The following BOC variants were observed in gnomAD, a reference collection of about 807,000 sequenced individuals.
BOC encodes BOC cell adhesion associated, oncogene regulated, also known as brother of CDO.
A neutral mutation model predicts 112.0 loss-of-function variants in BOC; 76 were observed. The observed-to-expected ratio is 0.68, with a 90% CI of 0.56 to 0.82. The LOEUF (loss-of-function observed/expected upper bound fraction) is 0.82, where lower values mean the gene tolerates loss of function less well. Ranked by LOEUF, BOC falls within the 40% of genes least tolerant of loss-of-function variation. The probability of loss-of-function intolerance (pLI) is 0.00; values close to 1 mark genes in which losing one functional copy is unlikely to be tolerated. For missense variants in BOC, 1,309 were observed against 1,511.7 expected (o/e 0.87, Z 2.22); for synonymous variants, 580 against 599.8 (o/e 0.97, Z 0.48).
intron 2 of BOC, among the ~76,000 whole-genome samples, chr3:113,239,147 A>G (rs1019943602): frequency 1.3e-5 from 2 of 152,246 alleles, no homozygotes; most frequent in Non-Finnish European, 1.5e-5. Context: ...TCTTGATTAC[A>G]TGTTGAAATT....
chr3:113,244,223 A>G (rs1257560747), intron 2 of BOC, among the ~76,000 whole-genome samples: 1 of 152,206 alleles, frequency 6.6e-6, no homozygotes, highest in Non-Finnish European at 1.5e-5. Context: ...TAAGCTCCTA[A>G]GGACTGAATC....
intron 12 of BOC, 143 bp from the exon 13 acceptor site, chr3:113,279,681 G>A (rs553605544): frequency 1.9e-4 from 166 of 894,490 alleles, no homozygotes; most frequent in Middle Eastern, 5.3e-4. Flanking sequence ...TGACAGTGGC[G>A]GGTGTTCTTG....
At chr3:113,245,396 T>G (rs1164537798) in intron 2 of BOC, among the ~76,000 whole-genome samples, 1 of 152,180 alleles carries the variant, frequency 6.6e-6, no homozygotes, top group Non-Finnish European at 1.5e-5. Context: ...CTTTCTTTCT[T>G]AATTCCTTCT....
intron 4 of BOC, among the ~76,000 whole-genome samples, chr3:113,253,950 T>C (rs957512537): frequency 6.6e-6 from 1 of 152,176 alleles, no homozygotes; most frequent in African/African-American, 2.4e-5. Flanking sequence ...TTGGCCTAAT[T>C]AGGAGCCAGG....
intron 2 of BOC, among the ~76,000 whole-genome samples, chr3:113,217,128 T>C (rs1939557273): frequency 6.6e-6 from 1 of 152,162 alleles, no homozygotes; most frequent in African/African-American, 2.4e-5. Flanking sequence ...CCAGAGCCCA[T>C]GCGCCATCCA....
At chr3:113,284,251 G>C in intron 16 of BOC, 84 bp from the exon 17 acceptor site, 1 of 1,161,186 alleles carries the variant, frequency 8.6e-7, no homozygotes, top group Non-Finnish European at 1.3e-6. Context: ...GTGGCCAGGA[G>C]CCTCCTGAGA....
chr3:113,215,045 C>T (rs974136004), intron 1 of BOC, among the ~76,000 whole-genome samples: 1 of 152,230 alleles, frequency 6.6e-6, no homozygotes, highest in Admixed American at 6.5e-5. Flanking sequence ...CCTGAAGTGT[C>T]TCTACATTTT....
rs2107703837 is a variant in BOC, at chr3:113,278,276, C to T, written c.1705+19C>T. The T allele has an allele frequency of 6.2e-7, 1 of 1,613,118 alleles. No individual in the cohort carries two copies. The highest frequency in any genetic ancestry group is 8.5e-7 in the Non-Finnish European group (1 of 1,179,210). The stretch of plus-strand genomic sequence containing the variant: ...CGAACTGGTGAGAGTCAAACATTGC[C>T]CCTTGCTTAGGGTTTCCGTGGGTCT... On this transcript the variant is annotated intron_variant, in intron 10 of 19. Coordinates refer to ENST00000682979, the MANE Select transcript of BOC (RefSeq NM_001378074.1). This position sits in a 1 kb window ranked among gnomAD's most constrained non-coding sequence, Gnocchi z 4.2.
Position 113,278,581 on chromosome 3 carries a change from C to A in BOC, c.1706-92C>A. The stretch of plus-strand genomic sequence containing the variant: ...GCTTATTTGCATCACTTTGTCATGC[C>A]GCTTAGCAGAGTCTCAGGCAAAAAG... On this transcript the variant is annotated intron_variant, in intron 10 of 19. Transcript: ENST00000682979. This position sits in a 1 kb window ranked among gnomAD's most constrained non-coding sequence, Gnocchi z 4.2. 8.8e-7 allele frequency: 1 copy of A among 1,138,908 alleles called. No individual in the cohort carries two copies. The highest frequency in any genetic ancestry group is 1.3e-6 in the Non-Finnish European group (1 of 782,518). 70.6% of individuals were successfully genotyped at this position (1,138,908 alleles called of 1,614,324 possible). A position where few individuals can be genotyped will look rare whatever the true frequency, so the allele number is the denominator to read the frequency against.
At position 113,285,293 on chromosome 3, in the gene BOC, G is replaced by A. The variant is rs1428318611; in HGVS notation, c.2967-79G>A. Reference sequence around the variant, plus strand: ...CACCAGCTCTGATGCCCTCAGACAGGGAGACAGCCAGCAGGGGGATGGGGC... The same window carrying A: ...CACCAGCTCTGATGCCCTCAGACAGAGAGACAGCCAGCAGGGGGATGGGGC... On this transcript the variant is annotated intron_variant, in intron 18 of 19. Coordinates refer to ENST00000682979, the MANE Select transcript of BOC (RefSeq NM_001378074.1). The A allele has an allele frequency of 1.2e-5, 18 of 1,441,372 alleles. No individual in the cohort carries two copies. In the Admixed American group the frequency reaches 2.7e-4, roughly 22 times the overall value. The allele number at this position is 1,441,372 out of a possible 1,614,324, so 89.3% of individuals were successfully genotyped here. A position where few individuals can be genotyped will look rare whatever the true frequency, so the allele number is the denominator to read the frequency against.
chr3:113,273,299 G>A lies in BOC; in HGVS notation c.1192G>A (p.Gly398Arg), dbSNP rs1449778818. The change falls in exon 8 of 20, where the codon GGG becomes AGG. Residue 398 changes from glycine to arginine, a missense_variant. Coordinates refer to ENST00000682979, the MANE Select transcript of BOC (RefSeq NM_001378074.1). ...CCAGTGCATGGCCGAGAACGAGGTT[G>A]GGAGCGCCCATGCCGTAGTCCAGCT... ...VYQCMAENEV[G>R]SAHAVVQLRT... The A allele has an allele frequency of 1.2e-6, 2 of 1,601,856 alleles. No homozygotes were observed.
intron 19 of BOC, 68 bp downstream of exon 19, chr3:113,285,633 C>T: frequency 7.2e-7 from 1 of 1,390,942 alleles, no homozygotes; most frequent in Non-Finnish European, 9.6e-7. Context: ...CATCCACAAG[C>T]CAGTAGTAAC....
Position 113,272,323 on chromosome 3 carries a change from C to G in BOC, c.668-87C>G, listed in dbSNP as rs893712437. 2.4e-5 allele frequency: 34 copies of G among 1,443,024 alleles called. 1 individual carries two copies. The highest frequency in any genetic ancestry group is 2.4e-4 in the Middle Eastern group (1 of 4,220). 89.4% of individuals were successfully genotyped at this position (1,443,024 alleles called of 1,614,324 possible). On this transcript the variant is annotated intron_variant, in intron 6 of 19. Transcript: ENST00000682979. ...CGGAATGGCTGTTTGATCCCATCTC[C>G]ATGCTCTCTGGGACTGCCTCCTGGG...
intron 2 of BOC, among the ~76,000 whole-genome samples, chr3:113,225,393 G>C (rs1290619806): frequency 6.6e-6 from 1 of 152,198 alleles, no homozygotes; most frequent in East Asian, 1.9e-4. Flanking sequence ...CTGTACAAAG[G>C]AGGAATGAGA....
intron 2 of BOC, 32 bp downstream of exon 2, chr3:113,216,306 T>G: frequency 6.6e-6 from 3 of 456,058 alleles, no homozygotes; most frequent in South Asian, 4.7e-5. Flanking sequence ...GTCTGATAGC[T>G]CTGGCCTATT....
rs1425074142 is a variant in BOC, at chr3:113,211,563, C to T, written c.-623C>T. The T allele has an allele frequency of 6.6e-6, 1 of 152,306 alleles. No individual in the cohort carries two copies. Among genetic ancestry groups the T allele is most frequent in the Non-Finnish European group, 1.5e-5 (1 of 68,164 alleles). 9.4% of individuals were successfully genotyped at this position (152,306 alleles called of 1,614,324 possible). ...AGGAATTGTTTGCGAGTTCAGTCATCCAAAAAGCTTCTTCCATATGGAGGG... is the reference window on the plus strand; with the variant it reads ...AGGAATTGTTTGCGAGTTCAGTCATTCAAAAAGCTTCTTCCATATGGAGGG... On this transcript the variant is annotated 5_prime_UTR_variant, in exon 1 of 20. Transcript: ENST00000682979.
chr3:113,255,661 C>T (rs565177673), intron 4 of BOC, among the ~76,000 whole-genome samples: 3 of 152,202 alleles, frequency 2.0e-5, no homozygotes, highest in African/African-American at 4.8e-5. Flanking sequence ...GATCGGTCAC[C>T]GCTCCTTAAG....
intron 2 of BOC, among the ~76,000 whole-genome samples, chr3:113,232,305 A>C (rs1942742990): frequency 6.6e-6 from 1 of 152,230 alleles, no homozygotes; most frequent in Non-Finnish European, 1.5e-5. Flanking sequence ...AGCAGAAGGC[A>C]GGGACTGTTT....
In BOC at chr3:113,279,922, C is replaced by A. The variant is rs754992516; in HGVS notation, c.2122C>A (p.Arg708Ser). The stretch of plus-strand genomic sequence containing the variant: ...CTACGTGGTGTCGGGCTACAGCGGT[C>A]GCGTGTACGAGAGGCCCGTGGCAGG... ...RPYVVSGYSGRVYERPVAGPY... is the reference protein window; with the variant it reads ...RPYVVSGYSGSVYERPVAGPY... Residue 708 changes from arginine to serine, a missense_variant, in exon 13 of 20, where the codon CGC becomes AGC. Coordinates refer to ENST00000682979, the MANE Select transcript of BOC (RefSeq NM_001378074.1). 1.4e-5 allele frequency: 23 copies of A among 1,613,958 alleles called. No individual in the cohort carries two copies. Among genetic ancestry groups the A allele is most frequent in the Non-Finnish European group, 1.9e-5 (23 of 1,179,966 alleles).
Sources: allele counts gnomAD v4.1 joint callset (sites outside exome capture counted in the v4.1 genomes callset), GRCh38; gene constraint gnomAD v4.1.1; non-coding constraint Gnocchi (gnomAD v3.1); transcripts MANE v1.5; gene names NCBI Gene and HGNC (gene_info 2026-07-23, HGNC 2026-07-21).